Variants in PRR16 observed in about 807,000 individuals in gnomAD.
The protein encoded by PRR16 is proline rich 16.
A neutral mutation model predicts 18.2 loss-of-function variants in PRR16; 6 were observed. The observed-to-expected ratio is 0.33, with a 90% CI of 0.18 to 0.65. The LOEUF (loss-of-function observed/expected upper bound fraction) is 0.65. PRR16 is among the 30% of genes least tolerant of loss of function. The probability of loss-of-function intolerance (pLI) is 0.74; values close to 1 mark genes in which losing one functional copy is unlikely to be tolerated. For missense variants in PRR16, 412 were observed against 376.6 expected (o/e 1.09, Z -0.78); for synonymous variants, 151 against 147.8 (o/e 1.02, Z -0.16).
chr5:120,754,745 G>C, the PRR16 span, among the ~76,000 whole-genome samples: 1 of 147,368 alleles, frequency 6.8e-6, no homozygotes, highest in Non-Finnish European at 1.5e-5. Flanking sequence ...TTCCTCAGCA[G>C]ATGAATATGA....
At chr5:120,685,379 T>C (rs968066812) in intron 1 of PRR16, among the ~76,000 whole-genome samples, 1 of 139,932 alleles carries the variant, frequency 7.1e-6, no homozygotes, top group Admixed American at 6.8e-5. Flanking sequence ...AGTTGCTTTC[T>C]TCATTCACTC....
intron 1 of PRR16, among the ~76,000 whole-genome samples, chr5:120,635,063 C>G (rs984359191): frequency 2.4e-4 from 37 of 151,948 alleles, no homozygotes; most frequent in African/African-American, 7.7e-4. Flanking sequence ...TATATTAAAC[C>G]AGGAAGTTAT....
chr5:120,504,950 G>T (rs1013301285), intron 1 of PRR16, among the ~76,000 whole-genome samples: 7 of 152,102 alleles, frequency 4.6e-5, no homozygotes, highest in Non-Finnish European at 7.3e-5. Flanking sequence ...AGGAGGAGGG[G>T]TTGATAATAG....
At chr5:120,726,247 C>G in the PRR16 span, among the ~76,000 whole-genome samples, 1 of 151,942 alleles carries the variant, frequency 6.6e-6, no homozygotes, top group Non-Finnish European at 1.5e-5. Flanking sequence ...AAGATTATAT[C>G]CTTTGGATTC....
intron 1 of PRR16, among the ~76,000 whole-genome samples, chr5:120,556,387 A>G (rs1752413937): frequency 6.6e-6 from 1 of 151,740 alleles, no homozygotes; most frequent in Non-Finnish European, 1.5e-5. Context: ...CCAGGAGCCC[A>G]TGTCGACTTT....
intron 1 of PRR16, among the ~76,000 whole-genome samples, chr5:120,623,338 A>G (rs1478255378): frequency 6.6e-6 from 1 of 152,150 alleles, no homozygotes; most frequent in Non-Finnish European, 1.5e-5. Flanking sequence ...ATTCATTCCT[A>G]CTAATCAGGA....
intron 1 of PRR16, among the ~76,000 whole-genome samples, chr5:120,548,547 A>G (rs78782015): frequency 0.05 from 7,562 of 152,154 alleles, 206 homozygotes; most frequent in African/African-American, 0.077. Flanking sequence ...GAAAAATAAC[A>G]ACTCAGTTAT....
intron 1 of PRR16, among the ~76,000 whole-genome samples, chr5:120,477,665 G>A (rs886604633): frequency 1.3e-5 from 2 of 152,110 alleles, no homozygotes; most frequent in African/African-American, 2.4e-5. Context: ...CCCTGTAGCA[G>A]TTTCTCATTT....
the PRR16 span, among the ~76,000 whole-genome samples, chr5:120,709,111 C>T: frequency 1.4e-3 from 206 of 148,092 alleles, no homozygotes; most frequent in African/African-American, 4.7e-3. Flanking sequence ...GGGTTCATGC[C>T]GTTCTCCTTC....
chr5:120,564,396 T>C (rs1752670495), intron 1 of PRR16, among the ~76,000 whole-genome samples: 1 of 152,100 alleles, frequency 6.6e-6, no homozygotes, highest in Non-Finnish European at 1.5e-5. Context: ...CTCTGGCCTG[T>C]AGTGGCGAGG....
intron 1 of PRR16, among the ~76,000 whole-genome samples, chr5:120,583,519 A>C (rs1561557863): frequency 6.6e-6 from 1 of 152,148 alleles, no homozygotes; most frequent in East Asian, 1.9e-4. Flanking sequence ...TGTGTCTTTT[A>C]AATTGGTATT....
intron 1 of PRR16, among the ~76,000 whole-genome samples, chr5:120,545,216 G>A (rs1752038459): frequency 6.6e-6 from 1 of 152,014 alleles, no homozygotes; most frequent in South Asian, 2.1e-4. Context: ...GTGTCCATAA[G>A]CATCCTTGTC....
chr5:120,664,489 G>T (rs1448762055), intron 1 of PRR16, among the ~76,000 whole-genome samples: 24 of 151,358 alleles, frequency 1.6e-4, no homozygotes, highest in African/African-American at 5.1e-4. Context: ...TAAGTTTTAG[G>T]GTACATGTGC....
At chr5:120,695,569 C>G in the PRR16 span, among the ~76,000 whole-genome samples, 1 of 152,290 alleles carries the variant, frequency 6.6e-6, no homozygotes, top group South Asian at 2.1e-4. Context: ...AGTTTCTACT[C>G]CATCCTGCCA....
the PRR16 span, among the ~76,000 whole-genome samples, chr5:120,785,315 G>C: frequency 6.6e-6 from 1 of 152,010 alleles, no homozygotes; most frequent in African/African-American, 2.4e-5. Context: ...TCCCAAATAG[G>C]AATCAGTATC....
intron 1 of PRR16, among the ~76,000 whole-genome samples, chr5:120,570,806 G>T (rs1172165198): frequency 6.6e-6 from 1 of 151,980 alleles, no homozygotes; most frequent in East Asian, 1.9e-4. Flanking sequence ...TTATAAACAT[G>T]ATAGACTTTC....
At chr5:120,767,049 A>G in the PRR16 span, among the ~76,000 whole-genome samples, 3 of 151,994 alleles carry the variant, frequency 2.0e-5, no homozygotes, top group East Asian at 1.9e-4. Flanking sequence ...TTATGTATCC[A>G]TTCTTTAAGT....
chr5:120,498,684 C>G (rs1750342065), intron 1 of PRR16, among the ~76,000 whole-genome samples: 1 of 150,508 alleles, frequency 6.6e-6, no homozygotes, highest in Non-Finnish European at 1.5e-5. Flanking sequence ...TTTAGTCATT[C>G]TTTTAGGAAA....
At chr5:120,498,374 A>T (rs1431899827) in intron 1 of PRR16, among the ~76,000 whole-genome samples, 1 of 149,582 alleles carries the variant, frequency 6.7e-6, no homozygotes. Flanking sequence ...TATATATATA[A>T]AACTTACCAC....
Sources: gnomAD v4.1 joint callset for allele counts (sites outside exome capture counted in the v4.1 genomes callset) on GRCh38, gnomAD v4.1.1 for gene constraint, MANE v1.5 for transcripts, NCBI Gene and HGNC (gene_info 2026-07-23, HGNC 2026-07-21) for gene names.